SNX29: variants seen among roughly 807,000 people sequenced by gnomAD.
SNX29 encodes sorting nexin-29.
Under a neutral mutation model 102.1 loss-of-function variants are expected in SNX29, and 78 were observed. The ratio of observed to expected loss-of-function variants is 0.76; its 90% confidence interval spans 0.64 to 0.92. The LOEUF is 0.92. Ranked by LOEUF, SNX29 falls within the 40% of genes least tolerant of loss-of-function variation. SNX29 has a pLI of 0.00. For missense variants in SNX29, 1,280 were observed against 1,061.7 expected, an observed-to-expected ratio of 1.21 and a Z score of -2.86; for synonymous variants, 580 against 414.5, an observed-to-expected ratio of 1.40 and a Z score of -4.85.
Position 12,573,892 on chromosome 16 carries a change from T to TA in SNX29, c.*5264dup, listed in dbSNP as rs752185106. On this transcript the variant is annotated 3_prime_UTR_variant, in exon 21 of 21. Coordinates refer to ENST00000566228, the MANE Select transcript of SNX29 (RefSeq NM_032167.5). Reference sequence around the variant, plus strand: ...CTTCATCCCTGGCTTAGCCGTCAGGTAGAACGCTTACTCACCTGACACCGA... The same window carrying TA: ...CTTCATCCCTGGCTTAGCCGTCAGGTAAGAACGCTTACTCACCTGACACCGA... 1 of 205,968 alleles carries TA rather than the reference T, an allele frequency of 4.9e-6. No individual in the cohort carries two copies. The highest frequency in any genetic ancestry group is 9.9e-6 in the Non-Finnish European group (1 of 100,726). 12.8% of individuals were successfully genotyped at this position (205,968 alleles called of 1,614,324 possible). A position where few individuals can be genotyped will look rare whatever the true frequency, so the allele number is the denominator to read the frequency against.
At chr16:12,564,746 T>C (rs2078920836) in intron 20 of SNX29, among the ~76,000 whole-genome samples, 1 of 152,014 alleles carries the variant, frequency 6.6e-6, no homozygotes, top group Non-Finnish European at 1.5e-5. Context: ...GCCTAACAAC[T>C]GTCTGCTTCT....
intron 3 of SNX29, among the ~76,000 whole-genome samples, chr16:12,023,346 G>C (rs190440444): frequency 8.0e-5 from 12 of 149,922 alleles, no homozygotes; most frequent in African/African-American, 2.9e-4. Context: ...AAGCCAGAGT[G>C]TCTGCAGTAG....
At chr16:12,421,035 C>T (rs2084852641) in intron 18 of SNX29, among the ~76,000 whole-genome samples, 1 of 152,160 alleles carries the variant, frequency 6.6e-6, no homozygotes, top group South Asian at 2.1e-4. Flanking sequence ...TCATGCCAGC[C>T]CGAGACATGA....
chr16:12,231,935 T>G (rs1307225656), intron 14 of SNX29, among the ~76,000 whole-genome samples: 1 of 152,242 alleles, frequency 6.6e-6, no homozygotes, highest in African/African-American at 2.4e-5. Flanking sequence ...CTCATTTCCT[T>G]GGCCTATGTG....
chr16:12,506,255 C>G (rs2089373267), intron 19 of SNX29, among the ~76,000 whole-genome samples: 1 of 152,200 alleles, frequency 6.6e-6, no homozygotes. Flanking sequence ...GCCACCAGCG[C>G]CTGGCTAGTG....
chr16:11,989,754 G>A (rs974873375), intron 1 of SNX29, among the ~76,000 whole-genome samples: 1 of 151,944 alleles, frequency 6.6e-6, no homozygotes, highest in Non-Finnish European at 1.5e-5. Context: ...TCCCTCCCAC[G>A]ATGGGGATTA....
intron 11 of SNX29, among the ~76,000 whole-genome samples, chr16:12,120,900 C>T (rs1024578800): frequency 6.6e-6 from 1 of 152,170 alleles, no homozygotes; most frequent in African/African-American, 2.4e-5. Flanking sequence ...GAATCTCTGT[C>T]ACTGGGGCAA....
intron 16 of SNX29, among the ~76,000 whole-genome samples, chr16:12,367,675 G>A (rs1198723953): frequency 6.6e-6 from 1 of 152,210 alleles, no homozygotes; most frequent in East Asian, 1.9e-4. Context: ...CTATTTTTCT[G>A]CCGGGTGGCA....
Position 12,313,003 on chromosome 16 carries a change from G to A in SNX29, c.1782+34967G>A, listed in dbSNP as rs117271650. Reference sequence around the variant, plus strand: ...GTCATAAAGGAGCTTCGGACCCTGGGGAGACTTTTTGTTTTCTGTTTTTTT... The same window carrying A: ...GTCATAAAGGAGCTTCGGACCCTGGAGAGACTTTTTGTTTTCTGTTTTTTT... On this transcript the variant is annotated intron_variant, in intron 15 of 20. Transcript: ENST00000566228. 5.9e-3 allele frequency among the ~76,000 whole-genome samples: 862 copies of A among 146,794 alleles called. 8 individuals are homozygous for A. The highest frequency in any genetic ancestry group is 0.011 in the Middle Eastern group (3 of 274).
chr16:12,561,673 TCA>T (rs577934245), intron 20 of SNX29, among the ~76,000 whole-genome samples: 64 of 152,304 alleles, frequency 4.2e-4, no homozygotes, highest in Middle Eastern at 3.4e-3. Context: ...GAGGGTGCCC[TCA>T]CACACAGACC....
At position 12,571,292 on chromosome 16, in the gene SNX29, C is replaced by T. The variant is rs7198325; in HGVS notation, c.*2663C>T. The T allele has an allele frequency of 0.03, 6,873 of 232,050 alleles. 449 individuals are homozygous for T. The highest frequency in any genetic ancestry group is 0.14 in the African/African-American group (6,383 of 45,330). The allele number at this position is 232,050 out of a possible 1,614,324, so 14.4% of individuals were successfully genotyped here. A position where few individuals can be genotyped will look rare whatever the true frequency, so the allele number is the denominator to read the frequency against. On this transcript the variant is annotated 3_prime_UTR_variant, in exon 21 of 21. Coordinates refer to ENST00000566228, the MANE Select transcript of SNX29 (RefSeq NM_032167.5). ...TGGCTGAAACCTGGTGCCCAAATTC[C>T]ACACCCTGGAAATGTGTCAACTGCC...
chr16:12,065,695 C>T lies in SNX29; in HGVS notation c.1244-3362C>T, dbSNP rs375993415. Reference sequence around the variant, plus strand: ...GGTTGTCAGTGTTGCGGTGGCTGGGCGGACACTGCCCTGGTTGTGCTTCCC... The same window carrying T: ...GGTTGTCAGTGTTGCGGTGGCTGGGTGGACACTGCCCTGGTTGTGCTTCCC... On this transcript the variant is annotated intron_variant, in intron 9 of 20. Coordinates refer to ENST00000566228, the MANE Select transcript of SNX29 (RefSeq NM_032167.5). Among the ~76,000 whole-genome samples, 77 of 152,186 alleles carry T rather than the reference C, an allele frequency of 5.1e-4. 1 individual carries two copies. The highest frequency in any genetic ancestry group is 1.7e-3 in the African/African-American group (71 of 41,524).
rs1224278092 is a variant in SNX29 at position 12,573,674 on chromosome 16, CAG to C, written c.*5048_*5049del. On this transcript the variant is annotated 3_prime_UTR_variant, in exon 21 of 21. Coordinates refer to ENST00000566228, the MANE Select transcript of SNX29 (RefSeq NM_032167.5). ...TCATTCACTGTCAGTGTAGGTAAGACAGAGGATGCCCTTGCAAAAATTGGGAC... is the reference window on the plus strand; with the variant it reads ...TCATTCACTGTCAGTGTAGGTAAGACAGGATGCCCTTGCAAAAATTGGGAC... 2.2e-5 allele frequency: 5 copies of C among 223,086 alleles called. No homozygotes were observed. Among genetic ancestry groups the C allele is most frequent in the East Asian group, 6.5e-5 (1 of 15,398 alleles). 13.8% of individuals were successfully genotyped at this position (223,086 alleles called of 1,614,324 possible).
At chr16:12,021,435 AAATC>A (rs2057017778) in intron 3 of SNX29, among the ~76,000 whole-genome samples, 1 of 152,146 alleles carries the variant, frequency 6.6e-6, no homozygotes, top group South Asian at 2.1e-4. Flanking sequence ...CAAAAAAAAA[AAATC>A]AAGTAAATAG....
intron 19 of SNX29, among the ~76,000 whole-genome samples, chr16:12,486,066 G>T (rs1445476065): frequency 6.6e-6 from 1 of 152,176 alleles, no homozygotes; most frequent in Non-Finnish European, 1.5e-5. Context: ...CGTCAGCGAG[G>T]CTGCATTTCT....
intron 20 of SNX29, among the ~76,000 whole-genome samples, chr16:12,543,332 G>C (rs1287316827): frequency 6.6e-6 from 1 of 152,140 alleles, no homozygotes; most frequent in Non-Finnish European, 1.5e-5. Flanking sequence ...GCCAAATCTG[G>C]GGCAGAGGAG....
At chr16:12,307,784 A>G (rs2080386974) in intron 15 of SNX29, among the ~76,000 whole-genome samples, 1 of 152,206 alleles carries the variant, frequency 6.6e-6, no homozygotes, top group Non-Finnish European at 1.5e-5. Context: ...CAATGTAGCC[A>G]TCAATGGCAA....
chr16:12,013,513 A>ATATC lies in SNX29; in HGVS notation c.122+10473_122+10474insCTAT, dbSNP rs2056743357. 3.1e-5 allele frequency among the ~76,000 whole-genome samples: 3 copies of ATATC among 95,768 alleles called. No individual in the cohort carries two copies. In the South Asian group the frequency reaches 1.4e-3, roughly 43 times the overall value. The allele number at this position is 95,768 out of a possible 152,430, so 62.8% of individuals were successfully genotyped here. ...GAAAAAAAAAAAAATATATATATATATATATATATATATATATATATATAT... is the reference window on the plus strand; with the variant it reads ...GAAAAAAAAAAAAATATATATATATATATCTATATATATATATATATATATATAT... On this transcript the variant is annotated intron_variant, in intron 3 of 20. Coordinates refer to ENST00000566228, the MANE Select transcript of SNX29 (RefSeq NM_032167.5).
chr16:12,221,585 G>C (rs2077479229), intron 14 of SNX29, among the ~76,000 whole-genome samples: 1 of 152,216 alleles, frequency 6.6e-6, no homozygotes, highest in African/African-American at 2.4e-5. Context: ...CTGCACACCA[G>C]CCTGGGCAAC....
Sources: allele counts gnomAD v4.1 joint callset (sites outside exome capture counted in the v4.1 genomes callset), GRCh38; gene constraint gnomAD v4.1.1; transcripts MANE v1.5; gene names NCBI Gene and HGNC (gene_info 2026-07-23, HGNC 2026-07-21).